CTRC: variants seen among roughly 807,000 people sequenced by gnomAD.
CTRC encodes the protein chymotrypsin-C.
CTRC carries 32 observed loss-of-function variants against 35.7 expected under a neutral mutation model. The ratio of observed to expected loss-of-function variants is 0.90; its 90% confidence interval spans 0.68 to 1.20. The LOEUF is 1.20. Ranked by LOEUF, CTRC falls within the 50% of genes most tolerant of loss-of-function variation. The probability of loss-of-function intolerance (pLI) is 0.00; values close to 1 mark genes in which losing one functional copy is unlikely to be tolerated. For missense variants in CTRC, 324 were observed against 361.5 expected (o/e 0.90, Z 0.84); for synonymous variants, 119 against 149.5 (o/e 0.80, Z 1.49).
intron 3 of CTRC, 63 bp from the exon 4 acceptor site, chr1:15,442,384 C>T (rs1708147604): frequency 6.4e-7 from 1 of 1,561,894 alleles, no homozygotes; most frequent in African/African-American, 1.4e-5. Flanking sequence ...CGAGCTCCCT[C>T]TCTATCCCAC....
At chr1:15,442,678 C>T in intron 4 of CTRC, 106 bp downstream of exon 4, 2 of 1,498,384 alleles carry the variant, frequency 1.3e-6, no homozygotes, top group South Asian at 2.3e-5. Flanking sequence ...GACACCCCAT[C>T]CTCACCCTGG....
Position 15,442,551 on chromosome 1 carries a change from G to C in CTRC, c.335G>C (p.Arg112Thr). ...VGVDTIHVHK[R>T]WNALLLRNDI... ...GTGGACACCATCCACGTCCACAAGA[G>C]ATGGAATGCCCTCCTGTTGCGGTGA... Residue 112 changes from arginine to threonine, a missense_variant, in exon 4 of 8, where the codon AGA (arginine) becomes ACA (threonine). Physicochemically the swap from Arg to Thr is moderately conservative, Grantham distance 71 (BLOSUM62 -1). Transcript: ENST00000375949. 1 of 1,614,132 alleles carries C rather than the reference G, an allele frequency of 6.2e-7. No homozygotes were observed. The highest frequency in any genetic ancestry group is 8.5e-7 in the Non-Finnish European group (1 of 1,179,986).
At chr1:15,446,485 C>A in intron 7 of CTRC, 90 bp from the exon 8 acceptor site, 1 of 1,340,864 alleles carries the variant, frequency 7.5e-7, no homozygotes, top group Non-Finnish European at 1.1e-6. Context: ...CTGGCCATGC[C>A]CCCATGGACC....
chr1:15,441,472 C>CGTGTGCTAGAGGAGAGTGGGAG (rs1708131431), intron 3 of CTRC, among the ~76,000 whole-genome samples: 1 of 151,780 alleles, frequency 6.6e-6, no homozygotes, highest in Admixed American at 6.6e-5. Context: ...GCAGGGGCAG[C>CGTGTGCTAGAGGAGAGTGGGAG]GTGTGCTAGA....
chr1:15,443,582 A>G (rs1220978742), intron 5 of CTRC, 27 bp downstream of exon 5: 1 of 1,614,094 alleles, frequency 6.2e-7, no homozygotes, highest in Admixed American at 1.7e-5. Flanking sequence ...GCAAATCCTG[A>G]GAGCCTTCCT....
At chr1:15,442,695 A>G (rs1167904133) in intron 4 of CTRC, 123 bp downstream of exon 4, 1 of 1,384,430 alleles carries the variant, frequency 7.2e-7, no homozygotes, top group Non-Finnish European at 1.0e-6. Flanking sequence ...CTGGAAAGCC[A>G]GCAAATGACT....
Position 15,446,900 on chromosome 1 carries a change from G to T in CTRC, c.*311G>T. On this transcript the variant is annotated 3_prime_UTR_variant, in exon 8 of 8. Coordinates refer to ENST00000375949, the MANE Select transcript of CTRC (RefSeq NM_007272.3). ...TGAAGCCGGAGGGGATGGGAGTGAA[G>T]GACGCATCAGACACCTTCCCCGCTC... 2.0e-6 allele frequency: 1 copy of T among 512,334 alleles called. No individual in the cohort carries two copies. The highest frequency in any genetic ancestry group is 3.5e-6 in the Non-Finnish European group (1 of 281,998). The allele number at this position is 512,334 out of a possible 1,614,324, so 31.7% of individuals were successfully genotyped here.
rs1557511434 is a variant in CTRC at position 15,446,631 on chromosome 1, A to G, written c.*42A>G. On this transcript the variant is annotated 3_prime_UTR_variant, in exon 8 of 8. Transcript: ENST00000375949. ...GCGGCAGCGAGTCCCTGCAACAGCA[A>G]TAAACTTCCTTCTCCTCGGGCCACC... 4.3e-6 allele frequency: 7 copies of G among 1,613,186 alleles called. No individual in the cohort carries two copies. The highest frequency in any genetic ancestry group is 5.1e-6 in the Non-Finnish European group (6 of 1,179,158).
chr1:15,445,557 G>A (rs191025876), intron 6 of CTRC, 40 bp from the exon 7 acceptor site: 8 of 1,606,900 alleles, frequency 5.0e-6, no homozygotes, highest in Admixed American at 1.7e-5. Flanking sequence ...CTTCCTCTGG[G>A]GGGGGGCCTG....
At position 15,445,056 on chromosome 1, in the gene CTRC, G is replaced by A. The variant is rs534363757; in HGVS notation, c.639+305G>A. ...ATGGAGTTACAGTAACCACTTCACA[G>A]GGTTAGGACTAAATGAGTTTAAAGG... On this transcript the variant is annotated intron_variant, in intron 6 of 7. Coordinates refer to ENST00000375949, the MANE Select transcript of CTRC (RefSeq NM_007272.3). 1.8e-4 allele frequency among the ~76,000 whole-genome samples: 27 copies of A among 152,292 alleles called. 1 individual carries two copies. Among genetic ancestry groups the A allele is most frequent in the Non-Finnish European group, 3.5e-4 (24 of 68,016 alleles).
At position 15,443,373 on chromosome 1, in the gene CTRC, G is replaced by C. The variant is rs1410408790; in HGVS notation, c.357-46G>C. ...CGAGCCCCTTAGCCTGAGCTTGTGGGGCCAGGGCCCTCCTGCCCACTCACC... is the reference window on the plus strand; with the variant it reads ...CGAGCCCCTTAGCCTGAGCTTGTGGCGCCAGGGCCCTCCTGCCCACTCACC... On this transcript the variant is annotated intron_variant, in intron 4 of 7. Coordinates refer to ENST00000375949, the MANE Select transcript of CTRC (RefSeq NM_007272.3). The C allele has an allele frequency of 1.9e-6, 3 of 1,613,612 alleles. No homozygotes were observed. The African/African-American group carries it at 4.0e-5, about 22-fold the overall frequency.
At chr1:15,442,171 C>T (rs1264780091) in intron 3 of CTRC, among the ~76,000 whole-genome samples, 3 of 152,294 alleles carry the variant, frequency 2.0e-5, no homozygotes, top group Admixed American at 6.5e-5. Flanking sequence ...TGAGTTTATT[C>T]TCACAGCCGC....
chr1:15,444,487 A>G, intron 5 of CTRC, 119 bp from the exon 6 acceptor site: 1 of 1,257,400 alleles, frequency 8.0e-7, no homozygotes, highest in Non-Finnish European at 1.1e-6. Flanking sequence ...TGGTCCGCAC[A>G]CTGTCTCAGC....
intron 1 of CTRC, 74 bp from the exon 2 acceptor site, chr1:15,440,226 G>GGGGGCCCCCCCCCCCCCC: frequency 1.9e-6 from 1 of 523,580 alleles, no homozygotes; most frequent in East Asian, 3.8e-5. Context: ...TCTTCCACCT[G>GGGGGCCCCCCCCCCCCCC]CCCACCCTCC....
chr1:15,439,148 A>T (rs947480514), intron 1 of CTRC, among the ~76,000 whole-genome samples: 2 of 152,124 alleles, frequency 1.3e-5, no homozygotes, highest in South Asian at 2.1e-4. Context: ...GTCTATTGCC[A>T]GGCATGGTGG....
intron 4 of CTRC, 33 bp downstream of exon 4, chr1:15,442,605 G>A: frequency 2.5e-6 from 4 of 1,613,038 alleles, no homozygotes; most frequent in Non-Finnish European, 3.4e-6. Context: ...CACAGCCACT[G>A]GGGGCAGTGT....
Position 15,448,378 on chromosome 1 carries a change from A to C in CTRC, c.*1789A>C, listed in dbSNP as rs1570789170. ...TTTTTAGACAGAGTCTCGCTCTCTCACCTGGGCTGTAGTGCAGTGGTGCCA... is the reference window on the plus strand; with the variant it reads ...TTTTTAGACAGAGTCTCGCTCTCTCCCCTGGGCTGTAGTGCAGTGGTGCCA... On this transcript the variant is annotated 3_prime_UTR_variant, in exon 8 of 8. Coordinates refer to ENST00000375949, the MANE Select transcript of CTRC (RefSeq NM_007272.3). The C allele has an allele frequency of 7.1e-6, 1 of 141,376 alleles. No homozygotes were observed. 8.8% of individuals were successfully genotyped at this position (141,376 alleles called of 1,614,324 possible). A position where few individuals can be genotyped will look rare whatever the true frequency, so the allele number is the denominator to read the frequency against.
At position 15,448,507 on chromosome 1, in the gene CTRC, T is replaced by C. The variant is rs1338241643; in HGVS notation, c.*1918T>C. 1.4e-5 allele frequency: 2 copies of C among 139,312 alleles called. No homozygotes were observed. Among genetic ancestry groups the C allele is most frequent in the Non-Finnish European group, 3.0e-5 (2 of 66,032 alleles). 8.6% of individuals were successfully genotyped at this position (139,312 alleles called of 1,614,324 possible). On this transcript the variant is annotated 3_prime_UTR_variant, in exon 8 of 8. Coordinates refer to ENST00000375949, the MANE Select transcript of CTRC (RefSeq NM_007272.3). ...GCGCCAGCCACCATGCCTGGCTAAT[T>C]TTTTTTTTTTTTGTATTTTTAGCAG...
intron 7 of CTRC, 143 bp from the exon 8 acceptor site, chr1:15,446,432 C>A: frequency 1.2e-6 from 1 of 812,282 alleles, no homozygotes; most frequent in South Asian, 1.4e-5. Flanking sequence ...GGCCTCAGAC[C>A]CCTTGAACAG....
Sources: allele counts gnomAD v4.1 joint callset (sites outside exome capture counted in the v4.1 genomes callset), GRCh38; gene constraint gnomAD v4.1.1; transcripts MANE v1.5; gene names NCBI Gene and HGNC (gene_info 2026-07-23, HGNC 2026-07-21).